ARRB1: variants seen among roughly 807,000 people sequenced by gnomAD.
ARRB1 encodes arrestin beta 1.
In ARRB1, 21 loss-of-function variants were observed where a neutral mutation model predicts 56.8. That is an observed-to-expected ratio of 0.37 (90% CI 0.26 to 0.53). The LOEUF (loss-of-function observed/expected upper bound fraction) is 0.53. Ranked by LOEUF, ARRB1 falls within the 20% of genes least tolerant of loss-of-function variation. The pLI is 0.88. For missense variants in ARRB1, 424 were observed against 553.7 expected (o/e 0.77, Z 2.35); for synonymous variants, 210 against 218.6 (o/e 0.96, Z 0.35).
chr11:75,306,050 G>T (rs1947020887), intron 1 of ARRB1, among the ~76,000 whole-genome samples: 1 of 151,914 alleles, frequency 6.6e-6, no homozygotes, highest in Non-Finnish European at 1.5e-5. Context: ...ACACCACACT[G>T]CAAAGGCAAA....
chr11:75,278,869 C>T (rs994314945), intron 7 of ARRB1, 125 bp from the exon 8 acceptor site: 6 of 1,344,430 alleles, frequency 4.5e-6, no homozygotes, highest in African/African-American at 2.9e-5. Context: ...TAGAATCCAG[C>T]CAAACTGCAG....
At position 75,278,600 on chromosome 11, in the gene ARRB1, GC is replaced by G; in HGVS notation, c.618+8del. 6.2e-7 allele frequency: 1 copy of G among 1,614,010 alleles called. No homozygotes were observed. The highest frequency in any genetic ancestry group is 8.5e-7 in the Non-Finnish European group (1 of 1,179,958). ...AGCCCCCACCCCCTGCCAAGTCCGA[GC>G]CTCCTACCTCCTTATCCAGAGAGGC... On this transcript the variant is annotated splice_region_variant and intron_variant, in intron 8 of 15. Transcript: ENST00000420843.
chr11:75,321,397 G>C (rs749315295), intron 1 of ARRB1, among the ~76,000 whole-genome samples: 1 of 151,768 alleles, frequency 6.6e-6, no homozygotes, highest in African/African-American at 2.4e-5. Context: ...GACCACCAAA[G>C]TAACCCATCT....
intron 1 of ARRB1, among the ~76,000 whole-genome samples, chr11:75,301,574 T>C (rs977375780): frequency 6.6e-6 from 1 of 152,208 alleles, no homozygotes; most frequent in Non-Finnish European, 1.5e-5. Flanking sequence ...CCCCCATCCC[T>C]GTCCAATAGC....
chr11:75,299,845 T>C (rs907473610), intron 1 of ARRB1, among the ~76,000 whole-genome samples: 2 of 152,128 alleles, frequency 1.3e-5, no homozygotes, highest in Non-Finnish European at 2.9e-5. Flanking sequence ...TAAATAAATA[T>C]AGGATGACTA....
intron 1 of ARRB1, among the ~76,000 whole-genome samples, chr11:75,338,326 G>A (rs1283745105): frequency 6.6e-6 from 1 of 152,174 alleles, no homozygotes. Flanking sequence ...AATGATCCAG[G>A]CCAGGAGTGG....
chr11:75,273,730 G>C (rs1382712866), intron 11 of ARRB1, among the ~76,000 whole-genome samples: 1 of 152,078 alleles, frequency 6.6e-6, no homozygotes, highest in African/African-American at 2.4e-5. Flanking sequence ...CACCACCCTG[G>C]TCTCTCCTCA....
At chr11:75,283,763 G>A (rs147725998) in intron 4 of ARRB1, among the ~76,000 whole-genome samples, 6 of 152,286 alleles carry the variant, frequency 3.9e-5, no homozygotes, top group African/African-American at 1.2e-4. Flanking sequence ...GTATGGAAAC[G>A]GTCTGACAGG....
At chr11:75,267,184 C>A (rs960535538) in intron 15 of ARRB1, among the ~76,000 whole-genome samples, 4 of 152,228 alleles carry the variant, frequency 2.6e-5, no homozygotes, top group Non-Finnish European at 4.4e-5. Flanking sequence ...AGGTCCTCCC[C>A]CTCTGGCCAC....
At chr11:75,318,147 CT>C (rs547084580) in intron 1 of ARRB1, among the ~76,000 whole-genome samples, 245 of 76,898 alleles carry the variant, frequency 3.2e-3, no homozygotes, top group African/African-American at 7.6e-3. Context: ...GCATTTCTAA[CT>C]TTTTTTTTTT....
intron 9 of ARRB1, 49 bp from the exon 10 acceptor site, chr11:75,276,960 C>G (rs1253136800): frequency 1.3e-6 from 2 of 1,587,664 alleles, no homozygotes; most frequent in African/African-American, 2.7e-5. Flanking sequence ...ATGTAGCTCC[C>G]ATGGAGTCTC....
At chr11:75,284,381 T>TA in intron 3 of ARRB1, 102 bp from the exon 4 acceptor site, 1 of 1,221,190 alleles carries the variant, frequency 8.2e-7, no homozygotes, top group East Asian at 2.5e-5. Context: ...TCTGTTCATC[T>TA]AAAATCATCC....
intron 1 of ARRB1, among the ~76,000 whole-genome samples, chr11:75,321,450 G>A (rs1038450413): frequency 5.9e-5 from 9 of 152,162 alleles, no homozygotes; most frequent in East Asian, 1.9e-4. Flanking sequence ...CCCTGCTGGC[G>A]GAAACCACCT....
chr11:75,302,980 T>C lies in ARRB1; in HGVS notation c.21-12941A>G, dbSNP rs569116426. Among the ~76,000 whole-genome samples, 72 of 141,344 alleles carry C rather than the reference T, an allele frequency of 5.1e-4. No individual in the cohort carries two copies. In the East Asian group the frequency reaches 6.6e-3, roughly 13 times the overall value. 92.7% of individuals were successfully genotyped at this position (141,344 alleles called of 152,430 possible). A position where few individuals can be genotyped will look rare whatever the true frequency, so the allele number is the denominator to read the frequency against. ...TAGAAAACACAATTTATGATGTTTT[T>C]CCCCCAGATTATTATTATCATTATT... On this transcript the variant is annotated intron_variant, in intron 1 of 15. Coordinates refer to ENST00000420843, the MANE Select transcript of ARRB1 (RefSeq NM_004041.5).
At chr11:75,351,524 C>T (rs1203499489) in intron 1 of ARRB1, 64 bp downstream of exon 1, 4 of 1,496,264 alleles carry the variant, frequency 2.7e-6, no homozygotes, top group Non-Finnish European at 2.7e-6. Context: ...ATCGGAGCCC[C>T]CGCCCGTGTC....
At chr11:75,279,330 G>C (rs1191889567) in intron 7 of ARRB1, among the ~76,000 whole-genome samples, 1 of 152,210 alleles carries the variant, frequency 6.6e-6, no homozygotes, top group Non-Finnish European at 1.5e-5. Flanking sequence ...CAGTCAGGGG[G>C]ATGCAAGCCA....
intron 1 of ARRB1, among the ~76,000 whole-genome samples, chr11:75,298,279 A>G (rs1946812278): frequency 6.6e-6 from 1 of 152,138 alleles, no homozygotes; most frequent in Admixed American, 6.5e-5. Context: ...GAATGGAGCA[A>G]ATATTTTCAA....
At chr11:75,329,164 T>C (rs940526141) in intron 1 of ARRB1, among the ~76,000 whole-genome samples, 1 of 146,712 alleles carries the variant, frequency 6.8e-6, no homozygotes, top group African/African-American at 2.5e-5. Context: ...CAATTACGGC[T>C]CACAGGGCTC....
chr11:75,326,264 C>A (rs762879057), intron 1 of ARRB1, among the ~76,000 whole-genome samples: 1 of 152,136 alleles, frequency 6.6e-6, no homozygotes, highest in Non-Finnish European at 1.5e-5. Flanking sequence ...CTTGCAGCTG[C>A]GTCCCCAGAA....
Sources: gnomAD v4.1 joint callset for allele counts (sites outside exome capture counted in the v4.1 genomes callset) on GRCh38, gnomAD v4.1.1 for gene constraint, MANE v1.5 for transcripts, NCBI Gene and HGNC (gene_info 2026-07-23, HGNC 2026-07-21) for gene names.